ZMYND11: variants seen among roughly 807,000 people sequenced by gnomAD.
ZMYND11 encodes zinc finger MYND-type containing 11.
ZMYND11 carries 9 observed loss-of-function variants against 84.9 expected under a neutral mutation model. The observed-to-expected ratio is 0.11, with a 90% CI of 0.06 to 0.18. ZMYND11 has a LOEUF of 0.18. Among genes scored for constraint, ZMYND11 ranks in the 10% least tolerant of loss-of-function variants. The pLI is 1.00. For synonymous variants in ZMYND11, 250 were observed against 244.1 expected (o/e 1.02, Z -0.23); for missense variants, 409 against 761.0 (o/e 0.54, Z 5.44).
At chr10:182,721 C>A (rs758629415) in intron 2 of ZMYND11, among the ~76,000 whole-genome samples, 1 of 152,198 alleles carries the variant, frequency 6.6e-6, no homozygotes. Context: ...TTGCCTAACC[C>A]GGCCAGTGCC....
At chr10:206,014 G>GTT (rs1554775920) in intron 2 of ZMYND11, among the ~76,000 whole-genome samples, 21 of 128,994 alleles carry the variant, frequency 1.6e-4, no homozygotes, top group Admixed American at 6.7e-4. Flanking sequence ...TCCTAAGGTT[G>GTT]TTTTTTTTTT....
chr10:143,952 G>A (rs569953532), intron 1 of ZMYND11, among the ~76,000 whole-genome samples: 4 of 151,128 alleles, frequency 2.6e-5, no homozygotes, highest in African/African-American at 4.9e-5. Context: ...TGCAGTGAGC[G>A]GAGATCATGC....
chr10:239,614 CA>C (rs1376279306), intron 7 of ZMYND11, 89 bp downstream of exon 7: 1 of 923,080 alleles, frequency 1.1e-6, no homozygotes, highest in Non-Finnish European at 1.7e-6. Flanking sequence ...ACATTACTTT[CA>C]AAGAATTAAT....
In ZMYND11 at chr10:239,542, T is replaced by G. The variant is rs529420487; in HGVS notation, c.697+17T>G. 849 of 1,574,332 alleles carry G rather than the reference T, an allele frequency of 5.4e-4. 2 individuals carry two copies. The African/African-American group carries it at 0.011, about 20-fold the overall frequency. On this transcript the variant is annotated intron_variant, in intron 7 of 14. Transcript: ENST00000381604. The stretch of plus-strand genomic sequence containing the variant: ...TCTATGGAGGTTGAATATTTTTGTT[T>G]TTTTTGTATGCATTTTTAAACACAC...
At chr10:186,134 A>C (rs887491324) in intron 2 of ZMYND11, among the ~76,000 whole-genome samples, 1 of 151,162 alleles carries the variant, frequency 6.6e-6, no homozygotes, top group Non-Finnish European at 1.5e-5. Context: ...CTCAGCCTCC[A>C]GAGTAGCTAG....
At chr10:173,383 C>T (rs1845823450) in intron 1 of ZMYND11, among the ~76,000 whole-genome samples, 1 of 152,064 alleles carries the variant, frequency 6.6e-6, no homozygotes, top group Non-Finnish European at 1.5e-5. Flanking sequence ...TTGCAAAAGA[C>T]ACATCTGATA....
chr10:155,262 A>C (rs1192547342), intron 1 of ZMYND11, among the ~76,000 whole-genome samples: 1 of 152,238 alleles, frequency 6.6e-6, no homozygotes, highest in Non-Finnish European at 1.5e-5. Context: ...CATACAATTT[A>C]AAAATGAAAA....
intron 1 of ZMYND11, among the ~76,000 whole-genome samples, chr10:151,995 C>T (rs1840489714): frequency 6.6e-6 from 1 of 152,136 alleles, no homozygotes; most frequent in Non-Finnish European, 1.5e-5. Context: ...AAATAAAATC[C>T]TTTACACACA....
intron 3 of ZMYND11, among the ~76,000 whole-genome samples, chr10:213,162 G>A (rs80219960): frequency 1.3e-5 from 2 of 152,046 alleles, no homozygotes; most frequent in East Asian, 3.9e-4. Flanking sequence ...GTACAATTTA[G>A]GAAGCCCCAT....
At chr10:157,170 T>C (rs1343502018) in intron 1 of ZMYND11, among the ~76,000 whole-genome samples, 1 of 152,208 alleles carries the variant, frequency 6.6e-6, no homozygotes, top group East Asian at 1.9e-4. Flanking sequence ...TAATTCTCTC[T>C]AGTATATTTG....
Position 158,979 on chromosome 10 carries a change from TTTTTGTTTTTTG to T in ZMYND11, c.-19-21010_-19-20999del, listed in dbSNP as rs1241924092. On this transcript the variant is annotated intron_variant, in intron 1 of 14. Coordinates refer to ENST00000381604, the MANE Select transcript of ZMYND11 (RefSeq NM_001370100.5). Reference sequence around the variant, plus strand: ...TTATCAGATATATGATTTGCAGGGTTTTTTGTTTTTTGTTTTTTTTTTTTTTTTTACATTATG... The same window carrying T: ...TTATCAGATATATGATTTGCAGGGTTTTTTTTTTTTTTTTTTTACATTATG... Among the ~76,000 whole-genome samples the T allele has an allele frequency of 7.6e-4, 94 of 123,298 alleles. 2 individuals are homozygous for T. Among genetic ancestry groups the T allele is most frequent in the South Asian group, 6.4e-3 (24 of 3,774 alleles). The allele number at this position is 123,298 out of a possible 152,430, so 80.9% of individuals were successfully genotyped here. A position where few individuals can be genotyped will look rare whatever the true frequency, so the allele number is the denominator to read the frequency against.
chr10:240,167 C>A, intron 8 of ZMYND11, 56 bp downstream of exon 8: 1 of 1,373,696 alleles, frequency 7.3e-7, no homozygotes, highest in Non-Finnish European at 1.0e-6. Context: ...TAATTTATTT[C>A]AGGATTCCAC....
In ZMYND11 at chr10:240,127, C is replaced by A; in HGVS notation, c.753+16C>A. The A allele has an allele frequency of 6.3e-7, 1 of 1,578,846 alleles. No individual in the cohort carries two copies. ...ATGTCATGAGGTACTATTCATTGCC[C>A]AATAGTTATACTCTTTCTATAACTG... On this transcript the variant is annotated intron_variant, in intron 8 of 14. Transcript: ENST00000381604.
intron 1 of ZMYND11, among the ~76,000 whole-genome samples, chr10:153,953 A>C (rs552474353): frequency 5.9e-5 from 9 of 152,340 alleles, no homozygotes; most frequent in African/African-American, 2.2e-4. Flanking sequence ...TTTGAACATG[A>C]GACAGCCAGC....
At chr10:234,075 A>G (rs2131626046) in intron 4 of ZMYND11, among the ~76,000 whole-genome samples, 1 of 152,372 alleles carries the variant, frequency 6.6e-6, no homozygotes, top group Admixed American at 6.5e-5. Flanking sequence ...AGAACAATCT[A>G]GTTAAGATGT....
chr10:240,963 A>T lies in ZMYND11; in HGVS notation c.824A>T (p.Tyr275Phe), dbSNP rs1056532914. Reference sequence around the variant, plus strand: ...GCTCGTCCTGACAACTGGTTCTGTTATCCTTGTGTATGTGAAATTTTTACC... The same window carrying T: ...GCTCGTCCTGACAACTGGTTCTGTTTTCCTTGTGTATGTGAAATTTTTACC... ...SNARPDNWFC[Y>F]PCIPNHELVW... The change falls in exon 9 of 15, where the codon TAT becomes TTT. Residue 275 changes from tyrosine (Y) to phenylalanine (F), a missense_variant. By Grantham distance (22) the Tyr-to-Phe change is conservative. Around this residue, in one of 7 missense-constraint regions of ZMYND11, gnomAD observed 59 missense variants for 151.0 expected, o/e 0.39. Coordinates refer to ENST00000381604, the MANE Select transcript of ZMYND11 (RefSeq NM_001370100.5). 57 of 1,613,204 alleles carry T rather than the reference A, an allele frequency of 3.5e-5. No homozygotes were observed. The highest frequency in any genetic ancestry group is 4.3e-5 in the Non-Finnish European group (51 of 1,179,672).
chr10:188,893 G>A (rs1251907896), intron 2 of ZMYND11, among the ~76,000 whole-genome samples: 1 of 152,130 alleles, frequency 6.6e-6, no homozygotes, highest in Admixed American at 6.5e-5. Flanking sequence ...GAGGGAGGTT[G>A]GCTTGTTAAT....
chr10:151,714 A>G (rs538899402), intron 1 of ZMYND11, among the ~76,000 whole-genome samples: 1 of 152,150 alleles, frequency 6.6e-6, no homozygotes, highest in South Asian at 2.1e-4. Flanking sequence ...AATACAGAGA[A>G]TGCCACAAAG....
Position 240,081 on chromosome 10 carries a change from G to A in ZMYND11, c.723G>A (p.Ala241=), listed in dbSNP as rs776538914. Residue 241 remains alanine (A), a synonymous_variant, in exon 8 of 15, where the codon GCG becomes GCA. Transcript: ENST00000381604. ...YGADSEQADI[A]RMLYKDTCHE... ...CAGACAGTGAGCAAGCTGACATTGC[G>A]AGGATGCTATATAAAGACACATGTC... is the stretch of plus-strand genomic sequence containing the variant. 4.3e-6 allele frequency: 7 copies of A among 1,611,648 alleles called. No homozygotes were observed. Among genetic ancestry groups the A allele is most frequent in the Non-Finnish European group, 5.9e-6 (7 of 1,178,752 alleles).
Sources: gnomAD v4.1 joint callset for allele counts (sites outside exome capture counted in the v4.1 genomes callset) on GRCh38, gnomAD v4.1.1 for gene constraint, gnomAD v4.1.1 regional missense constraint, MANE v1.5 for transcripts, NCBI Gene and HGNC (gene_info 2026-07-23, HGNC 2026-07-21) for gene names.